ULBP1: variants seen among roughly 807,000 people sequenced by gnomAD.
The protein encoded by ULBP1 is UL16 binding protein 1.
Under a neutral mutation model 25.3 loss-of-function variants are expected in ULBP1, and 28 were observed. The ratio of observed to expected loss-of-function variants is 1.10; its 90% CI spans 0.82 to 1.51. ULBP1 has a LOEUF of 1.51. ULBP1 is among the 40% of genes most tolerant of loss of function. The pLI is 0.00. For missense variants in ULBP1, 348 were observed against 290.9 expected (o/e 1.20, Z -1.43); for synonymous variants, 129 against 103.0 (o/e 1.25, Z -1.53).
chr6:149,970,756 A>G (rs538657491), intron 4 of ULBP1, among the ~76,000 whole-genome samples: 68 of 152,366 alleles, frequency 4.5e-4, no homozygotes, highest in Non-Finnish European at 7.6e-4. Context: ...AGTCCTTGCC[A>G]GGCCCTGGGG....
At position 149,964,146 on chromosome 6, in the gene ULBP1, G is replaced by T; in HGVS notation, c.85+12G>T. ...GGCAGGATGGGTCGGTGAGTTCGGG[G>T]ATGTAGCCTAAGCAGGGCGGGGGCC... On this transcript the variant is annotated intron_variant, in intron 1 of 4. Coordinates refer to ENST00000229708, the MANE Select transcript of ULBP1 (RefSeq NM_025218.4). 6.2e-7 allele frequency: 1 copy of T among 1,614,144 alleles called. No individual in the cohort carries two copies. The highest frequency in any genetic ancestry group is 1.3e-5 in the African/African-American group (1 of 75,068).
chr6:149,968,369 G>A (rs923380608), intron 1 of ULBP1, among the ~76,000 whole-genome samples: 1 of 152,214 alleles, frequency 6.6e-6, no homozygotes, highest in African/African-American at 2.4e-5. Flanking sequence ...GAGCAGGTGG[G>A]ACATGTCTGG....
Position 149,968,641 on chromosome 6 carries a change from T to C in ULBP1, c.120T>C (p.Thr40=). ...GTCTTTGCTATGACTTCATCATCACTCCTAAGTCCAGACCTGAACCACAGT... is the reference window on the plus strand; with the variant it reads ...GTCTTTGCTATGACTTCATCATCACCCCTAAGTCCAGACCTGAACCACAGT... The part of the protein sequence containing the change: ...THCLCYDFII[T]PKSRPEPQWC... Residue 40 remains threonine, a synonymous_variant, in exon 2 of 5, where the codon ACT becomes ACC. Transcript: ENST00000229708. 6.2e-7 allele frequency: 1 copy of C among 1,612,724 alleles called. No homozygotes were observed.
intron 4 of ULBP1, among the ~76,000 whole-genome samples, chr6:149,970,701 C>T (rs1184532690): frequency 6.6e-6 from 1 of 152,212 alleles, no homozygotes; most frequent in Non-Finnish European, 1.5e-5. Context: ...TAGAGCGTGT[C>T]CAGGGTGAGA....
At chr6:149,965,669 C>T (rs1779192082) in intron 1 of ULBP1, among the ~76,000 whole-genome samples, 1 of 152,184 alleles carries the variant, frequency 6.6e-6, no homozygotes, top group Non-Finnish European at 1.5e-5. Context: ...CACAAAGCTT[C>T]CAGCAGCCCC....
At chr6:149,965,409 C>T (rs1779188553) in intron 1 of ULBP1, among the ~76,000 whole-genome samples, 1 of 152,236 alleles carries the variant, frequency 6.6e-6, no homozygotes, top group Non-Finnish European at 1.5e-5. Flanking sequence ...GCACCGCAGT[C>T]CAGGGGGAGT....
At chr6:149,970,396 A>T (rs1294729002) in intron 4 of ULBP1, among the ~76,000 whole-genome samples, 1 of 152,212 alleles carries the variant, frequency 6.6e-6, no homozygotes, top group Admixed American at 6.5e-5. Context: ...GTTGAGCTTG[A>T]GAGGGTTTAA....
In ULBP1 at chr6:149,970,095, C is replaced by T; in HGVS notation, c.705C>T (p.Ile235=). 1 of 1,612,296 alleles carries T rather than the reference C, an allele frequency of 6.2e-7. No individual in the cohort carries two copies. Among genetic ancestry groups the T allele is most frequent in the Non-Finnish European group, 8.5e-7 (1 of 1,179,222 alleles). The change falls in exon 4 of 5, where the codon ATC becomes ATT. Residue 235 remains isoleucine (I), a synonymous_variant. Transcript: ENST00000229708. ...TTLSPWSLLI[I]FLCFILAGR ...TCAGTCCCTGGAGCCTTCTCATCAT[C>T]TTCCTCTGCTTCATTCTAGCTGGCA...
At chr6:149,964,751 C>T (rs1034911017) in intron 1 of ULBP1, among the ~76,000 whole-genome samples, 2 of 147,562 alleles carry the variant, frequency 1.4e-5, no homozygotes, top group Non-Finnish European at 3.0e-5. Flanking sequence ...CTGGTAGCAC[C>T]GGCGCGATGC....
chr6:149,966,621 C>T lies in ULBP1; in HGVS notation c.86-1986C>T, dbSNP rs564981153. Among the ~76,000 whole-genome samples the T allele has an allele frequency of 4.1e-4, 63 of 152,230 alleles. No individual in the cohort carries two copies. The East Asian group carries it at 8.5e-3, about 21-fold the overall frequency. On this transcript the variant is annotated intron_variant, in intron 1 of 4. Transcript: ENST00000229708. ...CTTCTTGGTTCCCTGTGGCCCTGCT[C>T]CTGCCCATCCCAGGAGACCCACCTG...
chr6:149,969,603 A>G (rs1779275833), intron 3 of ULBP1, among the ~76,000 whole-genome samples: 1 of 151,910 alleles, frequency 6.6e-6, no homozygotes, highest in Non-Finnish European at 1.5e-5. Flanking sequence ...CCAGCCTCAA[A>G]TCTGTGGGTG....
In ULBP1 at chr6:149,971,819, C is replaced by G. The variant is rs1779323533; in HGVS notation, c.*473C>G. On this transcript the variant is annotated 3_prime_UTR_variant, in exon 5 of 5. Coordinates refer to ENST00000229708, the MANE Select transcript of ULBP1 (RefSeq NM_025218.4). ...GCACTGACCAGGAATTGTGATAATC[C>G]TTTTCATTTTTATGGCTTTTTACAG... 6.6e-6 allele frequency: 1 copy of G among 152,126 alleles called. No individual in the cohort carries two copies. The allele number at this position is 152,126 out of a possible 1,614,324, so 9.4% of individuals were successfully genotyped here.
intron 1 of ULBP1, 56 bp from the exon 2 acceptor site, chr6:149,968,551 G>C: frequency 6.4e-7 from 1 of 1,562,668 alleles, no homozygotes; most frequent in South Asian, 1.2e-5. Context: ...TGGGAGGAGG[G>C]GATACAGGTT....
chr6:149,968,148 C>G (rs73779714), intron 1 of ULBP1, among the ~76,000 whole-genome samples: 4,704 of 152,236 alleles, frequency 0.031, 270 homozygotes, highest in African/African-American at 0.11. Context: ...AATCATGTGA[C>G]CCATGACAAT....
At chr6:149,968,129 A>G (rs927229789) in intron 1 of ULBP1, among the ~76,000 whole-genome samples, 1 of 152,216 alleles carries the variant, frequency 6.6e-6, no homozygotes, top group Non-Finnish European at 1.5e-5. Context: ...GGGCTTTGCC[A>G]ACGTGTTAAA....
rs142296467 is a variant in ULBP1, at chr6:149,970,071, C to A, written c.681C>A (p.Leu227=). 9.3e-5 allele frequency: 150 copies of A among 1,613,410 alleles called. No individual in the cohort carries two copies. Among genetic ancestry groups the A allele is most frequent in the Non-Finnish European group, 1.2e-4 (147 of 1,179,806 alleles). ...AACCCAAGGCCATGGCCACCACCCT[C>A]AGTCCCTGGAGCCTTCTCATCATCT... ...TTQPKAMATT[L]SPWSLLIIFL... The change falls in exon 4 of 5, where the codon CTC becomes CTA. Residue 227 remains leucine (L), a synonymous_variant. Transcript: ENST00000229708.
At position 149,965,742 on chromosome 6, in the gene ULBP1, G is replaced by A. The variant is rs6911137; in HGVS notation, c.85+1608G>A. On this transcript the variant is annotated intron_variant, in intron 1 of 4. Coordinates refer to ENST00000229708, the MANE Select transcript of ULBP1 (RefSeq NM_025218.4). ...CTGCAGACACTCACCTGCACGCAGG[G>A]GCTCACCAGACACTTGCTACCCTTC... Among the ~76,000 whole-genome samples, 1,167 of 152,108 alleles carry A rather than the reference G, an allele frequency of 7.7e-3. 20 individuals are homozygous for A. Among genetic ancestry groups the A allele is most frequent in the African/African-American group, 0.026 (1,092 of 41,504 alleles).
At chr6:149,969,994 C>T (rs1779284688) in intron 3 of ULBP1, 22 bp from the exon 4 acceptor site, 1 of 1,598,776 alleles carries the variant, frequency 6.3e-7, no homozygotes, top group East Asian at 2.2e-5. Context: ...CAAGGGTTGT[C>T]ACTCCTGTGT....
At chr6:149,969,061 G>A (rs1338284109) in intron 2 of ULBP1, 24 bp from the exon 3 acceptor site, 1 of 1,612,190 alleles carries the variant, frequency 6.2e-7, no homozygotes, top group African/African-American at 1.3e-5. Context: ...CAAGATCAGA[G>A]CTGATCTCTT....
Sources: allele counts gnomAD v4.1 joint callset (sites outside exome capture counted in the v4.1 genomes callset), GRCh38; gene constraint gnomAD v4.1.1; transcripts MANE v1.5; gene names NCBI Gene and HGNC (gene_info 2026-07-23, HGNC 2026-07-21).